The following IL23R variants were observed in gnomAD, a reference collection of about 807,000 sequenced individuals.
IL23R encodes interleukin 23 receptor, also known as interleukin-23 receptor.
Under a neutral mutation model 56.9 loss-of-function variants are expected in IL23R, and 34 were observed. The observed-to-expected ratio is 0.60, with a 90% CI of 0.45 to 0.80. The LOEUF is 0.80. Ranked by LOEUF, IL23R falls within the 30% of genes least tolerant of loss-of-function variation. The pLI is 0.00. For missense variants in IL23R, 635 were observed against 730.0 expected, an observed-to-expected ratio of 0.87 and a Z score of 1.50; for synonymous variants, 230 against 249.2, an observed-to-expected ratio of 0.92 and a Z score of 0.73.
downstream of IL23R, among the ~76,000 whole-genome samples, chr1:67,264,953 A>G (rs554634461): frequency 1.3e-5 from 2 of 152,150 alleles, no homozygotes; most frequent in African/African-American, 4.8e-5. Flanking sequence ...TTGGGGGGGA[A>G]CCCTAAACAA....
chr1:67,233,195 C>CAAAAAAAAAA, intron 7 of IL23R, among the ~76,000 whole-genome samples: 1 of 53,644 alleles, frequency 1.9e-5, no homozygotes, highest in Non-Finnish European at 3.2e-5. Flanking sequence ...CTAAAAATTC[C>CAAAAAAAAAA]AAAAAAAAAA....
intron 7 of IL23R, among the ~76,000 whole-genome samples, chr1:67,222,874 G>A (rs1650391239): frequency 6.6e-6 from 1 of 152,088 alleles, no homozygotes; most frequent in Non-Finnish European, 1.5e-5. Flanking sequence ...CCATCCCTCA[G>A]CAATTTCATT....
At chr1:67,198,911 C>T (rs542367001) in intron 4 of IL23R, among the ~76,000 whole-genome samples, 8 of 152,292 alleles carry the variant, frequency 5.3e-5, no homozygotes, top group Non-Finnish European at 1.2e-4. Flanking sequence ...CCCCACTGCA[C>T]GCCAGCCTGG....
chr1:67,163,340 G>T (rs980933537), upstream of IL23R, among the ~76,000 whole-genome samples: 6 of 151,096 alleles, frequency 4.0e-5, no homozygotes, highest in Admixed American at 1.3e-4. Context: ...GTGTTGGCAG[G>T]TGTGTGTAGT....
chr1:67,242,676 C>T (rs559610625), intron 9 of IL23R, among the ~76,000 whole-genome samples: 22 of 152,280 alleles, frequency 1.4e-4, no homozygotes, highest in Admixed American at 3.9e-4. Flanking sequence ...ATGGCAAGGA[C>T]AGTCTTTCTC....
intron 6 of IL23R, among the ~76,000 whole-genome samples, chr1:67,213,843 G>C (rs1649657547): frequency 6.6e-6 from 1 of 152,172 alleles, no homozygotes; most frequent in South Asian, 2.1e-4. Context: ...GATGGTTCCA[G>C]GTCAAAGCTT....
intron 6 of IL23R, among the ~76,000 whole-genome samples, chr1:67,218,948 A>AAT (rs1355293954): frequency 5.4e-4 from 81 of 151,268 alleles, no homozygotes; most frequent in African/African-American, 1.9e-3. Flanking sequence ...TAAAATAAAA[A>AAT]ATATATATAT....
At chr1:67,141,281 T>A (rs1646635264) in intron 1 of IL23R, among the ~76,000 whole-genome samples, 1 of 152,220 alleles carries the variant, frequency 6.6e-6, no homozygotes, top group South Asian at 2.1e-4. Context: ...TGTATACTTT[T>A]GTATTTTCTA....
chr1:67,228,021 C>CTTTCTCTCTCTCTCTCTCT (rs1399547596), intron 7 of IL23R, among the ~76,000 whole-genome samples: 1 of 31,706 alleles, frequency 3.2e-5, no homozygotes, highest in African/African-American at 1.7e-4. Context: ...TTTCTTTCTT[C>CTTTCTCTCTCTCTCTCTCT]CTTTCTTTCT....
intron 4 of IL23R, among the ~76,000 whole-genome samples, chr1:67,194,518 G>T (rs893596063): frequency 2.0e-5 from 3 of 152,100 alleles, no homozygotes; most frequent in Admixed American, 6.6e-5. Flanking sequence ...TAACCCTAAG[G>T]TGTAATTAGT....
chr1:67,243,471 C>G (rs1429506363), intron 9 of IL23R, among the ~76,000 whole-genome samples: 3 of 152,018 alleles, frequency 2.0e-5, no homozygotes, highest in Non-Finnish European at 4.4e-5. Flanking sequence ...CCTCCTACCC[C>G]TTGACAGGCC....
chr1:67,219,283 G>A (rs752184461), intron 6 of IL23R, among the ~76,000 whole-genome samples: 2 of 151,964 alleles, frequency 1.3e-5, no homozygotes, highest in Admixed American at 6.6e-5. Flanking sequence ...CAGAAGAATC[G>A]CTTGAACCCG....
rs1396913298 is a variant in IL23R, at chr1:67,258,732, C to A, written c.1494C>A (p.Leu498=). The A allele has an allele frequency of 6.2e-7, 1 of 1,613,524 alleles. No individual in the cohort carries two copies. The highest frequency in any genetic ancestry group is 1.1e-5 in the South Asian group (1 of 90,940). ...ISNFLPEGSH[L]SNNNEITSLT... is the part of the protein sequence containing the mutation. The stretch of plus-strand genomic sequence containing the variant: ...ATTTTCTGCCTGAGGGAAGCCATCT[C>A]AGCAATAATAATGAAATTACTTCCT... Residue 498 remains leucine (L), a synonymous_variant, in exon 11 of 11, where the codon CTC becomes CTA. Transcript: ENST00000347310.
chr1:67,248,614 A>C (rs1300606768), intron 9 of IL23R, among the ~76,000 whole-genome samples: 1 of 152,116 alleles, frequency 6.6e-6, no homozygotes, highest in Non-Finnish European at 1.5e-5. Context: ...TACTTCTGTC[A>C]ATTCATCAAA....
At chr1:67,162,496 G>A (rs1054146923), upstream of IL23R, among the ~76,000 whole-genome samples, 19 of 152,138 alleles carry the variant, frequency 1.2e-4, no homozygotes, top group African/African-American at 4.6e-4. Flanking sequence ...TCCCATTTAT[G>A]TTCAAGAGGA....
At chr1:67,245,637 C>G (rs1043610707) in intron 9 of IL23R, among the ~76,000 whole-genome samples, 1 of 152,166 alleles carries the variant, frequency 6.6e-6, no homozygotes, top group African/African-American at 2.4e-5. Context: ...GTTGAACCAG[C>G]CTTGCATCCC....
intron 3 of IL23R, among the ~76,000 whole-genome samples, chr1:67,177,168 T>G (rs1460939954): frequency 1.3e-5 from 2 of 152,202 alleles, no homozygotes; most frequent in Non-Finnish European, 2.9e-5. Context: ...GTATTTCTAG[T>G]TCTAGATCCC....
Position 67,233,929 on chromosome 1 carries a change from CTGTGTGTGTGTG to C in IL23R, c.956-2751_956-2740del, listed in dbSNP as rs57455484. 8.5e-3 allele frequency among the ~76,000 whole-genome samples: 1,179 copies of C among 138,760 alleles called. 18 individuals carry two copies. The highest frequency in any genetic ancestry group is 0.029 in the African/African-American group (1,118 of 38,170). 91.0% of individuals were successfully genotyped at this position (138,760 alleles called of 152,430 possible). ...AAAAAACAGTTTCCAGTCATAAAGG[CTGTGTGTGTGTG>C]TGTGTGTGTGTGTGTGTGTGTGTGT... On this transcript the variant is annotated intron_variant, in intron 7 of 10. Transcript: ENST00000347310.
intron 3 of IL23R, among the ~76,000 whole-genome samples, chr1:67,178,711 A>T (rs960607116): frequency 6.6e-6 from 1 of 152,206 alleles, no homozygotes; most frequent in African/African-American, 2.4e-5. Flanking sequence ...TTCAAAGGGA[A>T]TGCTTCCAGT....
Sources: allele counts gnomAD v4.1 joint callset (sites outside exome capture counted in the v4.1 genomes callset), GRCh38; gene constraint gnomAD v4.1.1; transcripts MANE v1.5; gene names NCBI Gene and HGNC (gene_info 2026-07-23, HGNC 2026-07-21).